ANO10: variants seen among roughly 807,000 people sequenced by gnomAD.
ANO10 encodes anoctamin-10.
ANO10 carries 77 observed loss-of-function variants against 74.7 expected under a neutral mutation model. That is an observed-to-expected ratio of 1.03 (90% CI 0.86 to 1.25). The LOEUF (loss-of-function observed/expected upper bound fraction) is 1.25. ANO10 is among the 50% of genes most tolerant of loss of function. The probability of loss-of-function intolerance (pLI) is 0.00; values close to 1 mark genes in which losing one functional copy is unlikely to be tolerated. For synonymous variants in ANO10, 279 were observed against 284.9 expected, an observed-to-expected ratio of 0.98 and a Z score of 0.21; for missense variants, 721 against 778.1, an observed-to-expected ratio of 0.93 and a Z score of 0.87.
rs185862313 is a variant in ANO10, at chr3:43,465,089, T to G, written c.1798-32362A>C. Among the ~76,000 whole-genome samples, 38 of 152,338 alleles carry G rather than the reference T, an allele frequency of 2.5e-4. No individual in the cohort carries two copies. In the East Asian group the frequency reaches 6.9e-3, roughly 28 times the overall value. On this transcript the variant is annotated intron_variant, in intron 11 of 12. Coordinates refer to ENST00000292246, the MANE Select transcript of ANO10 (RefSeq NM_018075.5). ...TTTTTATTTGCAGATGATGTGGTCA[T>G]GTACAGAGTAAATCCTAAGTTTTAC... is the stretch of plus-strand genomic sequence containing the variant.
chr3:43,533,520 G>A (rs12486736), intron 11 of ANO10, among the ~76,000 whole-genome samples: 75,130 of 152,006 alleles, frequency 0.49, 20,642 homozygotes, highest in East Asian at 0.83. Context: ...CTTAGTAACA[G>A]TAAAGAAATT....
At chr3:43,687,789 G>T (rs2084293550) in intron 1 of ANO10, among the ~76,000 whole-genome samples, 3 of 152,306 alleles carry the variant, frequency 2.0e-5, no homozygotes, top group African/African-American at 7.2e-5. Context: ...GTTCAGGGAG[G>T]TAGTGATGGA....
intron 4 of ANO10, among the ~76,000 whole-genome samples, chr3:43,589,203 T>C (rs938043577): frequency 2.0e-5 from 3 of 146,648 alleles, no homozygotes; most frequent in African/African-American, 7.4e-5. Flanking sequence ...ATATTTATAA[T>C]GTCAGGGGTT....
At chr3:43,588,590 G>A (rs958936628) in intron 4 of ANO10, among the ~76,000 whole-genome samples, 3 of 147,672 alleles carry the variant, frequency 2.0e-5, no homozygotes, top group African/African-American at 7.4e-5. Flanking sequence ...CCTCAGATTA[G>A]AGTGCAAAGC....
At chr3:43,492,679 T>C (rs1368457175) in intron 11 of ANO10, among the ~76,000 whole-genome samples, 1 of 152,140 alleles carries the variant, frequency 6.6e-6, no homozygotes, top group Non-Finnish European at 1.5e-5. Flanking sequence ...AACAGACATA[T>C]GAAAAAATGC....
chr3:43,662,791 G>A (rs1405286033), intron 1 of ANO10, among the ~76,000 whole-genome samples: 1 of 152,010 alleles, frequency 6.6e-6, no homozygotes, highest in Non-Finnish European at 1.5e-5. Context: ...AGAAAAACTA[G>A]AAGAAATGGA....
At chr3:43,497,481 C>T in intron 11 of ANO10, among the ~76,000 whole-genome samples, 1 of 152,314 alleles carries the variant, frequency 6.6e-6, no homozygotes, top group African/African-American at 2.4e-5. Context: ...CTCTGTTTTT[C>T]CTGATTGCAG....
intron 1 of ANO10, among the ~76,000 whole-genome samples, chr3:43,649,048 T>C (rs1274430894): frequency 6.6e-6 from 1 of 152,168 alleles, no homozygotes; most frequent in Non-Finnish European, 1.5e-5. Context: ...GCTGACCTCC[T>C]ATCTCATCCT....
At chr3:43,544,172 T>A (rs1345557458) in intron 11 of ANO10, among the ~76,000 whole-genome samples, 1 of 152,150 alleles carries the variant, frequency 6.6e-6, no homozygotes, top group Non-Finnish European at 1.5e-5. Flanking sequence ...AGGATGATAA[T>A]TACTTAAGGG....
chr3:43,561,334 C>A lies in ANO10; in HGVS notation c.1362G>T (p.Trp454Cys), dbSNP rs751465063. ...CCCGCACACCATGCTTCCTTTGGAG[C>A]CAATAAGGAAGAAAAGATTCCATAA... ...NQIMESFLPYWLQRKHGVRVK... is the reference protein window; with the variant it reads ...NQIMESFLPYCLQRKHGVRVK... The change falls in exon 9 of 13, where the codon TGG (tryptophan) becomes TGT (cysteine). Residue 454 changes from tryptophan to cysteine, a missense_variant. Transcript: ENST00000292246. 6.2e-6 allele frequency: 10 copies of A among 1,613,972 alleles called. No homozygotes were observed. In the African/African-American group the frequency reaches 1.3e-4, roughly 22 times the overall value.
intron 1 of ANO10, among the ~76,000 whole-genome samples, chr3:43,612,958 A>G (rs918008326): frequency 2.0e-5 from 3 of 152,182 alleles, no homozygotes; most frequent in Non-Finnish European, 2.9e-5. Context: ...ACCTGAGGTC[A>G]GGAGTTCGAG....
At chr3:43,527,750 G>C (rs1279714895) in intron 11 of ANO10, among the ~76,000 whole-genome samples, 9 of 152,162 alleles carry the variant, frequency 5.9e-5, no homozygotes, top group Non-Finnish European at 1.3e-4. Flanking sequence ...GGGAAATAGA[G>C]ATCTAGCGAT....
At chr3:43,433,581 T>C (rs1484207689) in intron 11 of ANO10, among the ~76,000 whole-genome samples, 1 of 152,228 alleles carries the variant, frequency 6.6e-6, no homozygotes, top group Non-Finnish European at 1.5e-5. Flanking sequence ...CCATATATGG[T>C]AAGTACACAG....
chr3:43,540,515 T>C (rs2078908008), intron 11 of ANO10, among the ~76,000 whole-genome samples: 1 of 152,256 alleles, frequency 6.6e-6, no homozygotes, highest in Admixed American at 6.5e-5. Flanking sequence ...TTCCAAAGGT[T>C]TTCATAGAAA....
chr3:43,684,937 C>T (rs1054938666), intron 1 of ANO10, among the ~76,000 whole-genome samples: 3 of 151,742 alleles, frequency 2.0e-5, no homozygotes, highest in Admixed American at 6.6e-5. Context: ...GTTGTGGGGT[C>T]GGGGGCATGG....
chr3:43,417,467 C>A (rs925710267), intron 12 of ANO10, among the ~76,000 whole-genome samples: 1 of 152,146 alleles, frequency 6.6e-6, no homozygotes, highest in Admixed American at 6.5e-5. Flanking sequence ...CAAAGTCCGG[C>A]GCATCCACTA....
At chr3:43,574,987 G>T in intron 6 of ANO10, 123 bp from the exon 7 acceptor site, 1 of 763,550 alleles carries the variant, frequency 1.3e-6, no homozygotes, top group Non-Finnish European at 2.3e-6. Context: ...GTCAGTAAAT[G>T]TACTAGGCTG....
At chr3:43,552,738 G>A (rs1047277823) in intron 10 of ANO10, among the ~76,000 whole-genome samples, 120 of 144,782 alleles carry the variant, frequency 8.3e-4, no homozygotes, top group African/African-American at 3.0e-3. Flanking sequence ...ATGTATGTAT[G>A]TATGTATGTA....
chr3:43,483,279 C>G (rs1165432809), intron 11 of ANO10, among the ~76,000 whole-genome samples: 9 of 152,166 alleles, frequency 5.9e-5, no homozygotes, highest in Admixed American at 2.6e-4. Context: ...AAACCTTTTA[C>G]TCATAAGTTT....
Sources: gnomAD v4.1 joint callset for allele counts (sites outside exome capture counted in the v4.1 genomes callset) on GRCh38, gnomAD v4.1.1 for gene constraint, MANE v1.5 for transcripts, NCBI Gene and HGNC (gene_info 2026-07-23, HGNC 2026-07-21) for gene names.